DPP10: variants seen among roughly 807,000 people sequenced by gnomAD.
DPP10 encodes the protein dipeptidyl peptidase like 10.
A neutral mutation model predicts 120.9 loss-of-function variants in DPP10; 33 were observed. The ratio of observed to expected loss-of-function variants is 0.27; its 90% CI spans 0.21 to 0.37. DPP10 has a LOEUF of 0.37. Ranked by LOEUF, DPP10 falls within the 10% of genes least tolerant of loss-of-function variation. DPP10 has a pLI of 1.00. For missense variants in DPP10, 816 were observed against 942.8 expected (o/e 0.87, Z 1.76); for synonymous variants, 337 against 326.1 (o/e 1.03, Z -0.36).
chr2:115,135,751 G>A (rs542804566), intron 1 of DPP10, among the ~76,000 whole-genome samples: 1 of 152,218 alleles, frequency 6.6e-6, no homozygotes, highest in African/African-American at 2.4e-5. Flanking sequence ...CTTGTGAGTC[G>A]CTGAGGCTGG....
chr2:115,219,891 G>A (rs2057045463), intron 1 of DPP10, among the ~76,000 whole-genome samples: 1 of 152,008 alleles, frequency 6.6e-6, no homozygotes, highest in East Asian at 1.9e-4. Flanking sequence ...AAATGTGAAT[G>A]GCTAAATATT....
intron 7 of DPP10, among the ~76,000 whole-genome samples, chr2:115,716,381 G>A (rs1365147244): frequency 3.9e-5 from 6 of 152,166 alleles, no homozygotes; most frequent in South Asian, 2.1e-4. Flanking sequence ...TACATCATAG[G>A]TAGTATGTAG....
chr2:114,709,420 T>TA (rs1700886348), intron 1 of DPP10, among the ~76,000 whole-genome samples: 1 of 152,314 alleles, frequency 6.6e-6, no homozygotes, highest in South Asian at 2.1e-4. Context: ...ATTCCCTGTG[T>TA]AAAAAATGCC....
At chr2:115,549,221 C>T (rs2079717976) in intron 5 of DPP10, among the ~76,000 whole-genome samples, 1 of 152,054 alleles carries the variant, frequency 6.6e-6, no homozygotes, top group Non-Finnish European at 1.5e-5. Context: ...AAACTAGTTA[C>T]CCTGATATCA....
chr2:114,505,593 G>A (rs529621114), intron 1 of DPP10, among the ~76,000 whole-genome samples: 1 of 152,134 alleles, frequency 6.6e-6, no homozygotes, highest in Non-Finnish European at 1.5e-5. Flanking sequence ...GAGGTGGCAT[G>A]TCCTGAACTC....
At chr2:115,803,092 T>A (rs1181145969) in intron 19 of DPP10, among the ~76,000 whole-genome samples, 1 of 152,222 alleles carries the variant, frequency 6.6e-6, no homozygotes, top group Non-Finnish European at 1.5e-5. Context: ...CACTAAGGAC[T>A]TGCTTTATGA....
intron 1 of DPP10, among the ~76,000 whole-genome samples, chr2:114,489,954 C>T (rs2104722522): frequency 6.6e-6 from 1 of 152,266 alleles, no homozygotes; most frequent in South Asian, 2.1e-4. Context: ...CTGTAAAACC[C>T]TTAACAAATG....
At chr2:115,698,785 G>A (rs1007810244) in intron 7 of DPP10, among the ~76,000 whole-genome samples, 2 of 151,708 alleles carry the variant, frequency 1.3e-5, no homozygotes, top group African/African-American at 4.8e-5. Flanking sequence ...CACTGTCTTT[G>A]GTATTTTGTT....
chr2:115,811,825 T>C (rs1686681033), intron 19 of DPP10, among the ~76,000 whole-genome samples: 1 of 152,186 alleles, frequency 6.6e-6, no homozygotes, highest in Admixed American at 6.5e-5. Flanking sequence ...TCATATTACA[T>C]AGCAATTATG....
intron 1 of DPP10, among the ~76,000 whole-genome samples, chr2:114,987,494 CCTTT>C (rs1273044945): frequency 6.6e-6 from 1 of 152,140 alleles, no homozygotes; most frequent in Non-Finnish European, 1.5e-5. Flanking sequence ...CATGTCATCT[CCTTT>C]CTTCTCTTTC....
At chr2:115,627,961 A>G (rs1035542138) in intron 5 of DPP10, among the ~76,000 whole-genome samples, 3 of 152,202 alleles carry the variant, frequency 2.0e-5, no homozygotes, top group South Asian at 2.1e-4. Flanking sequence ...TATTGTGAAT[A>G]GTGCTGCAAT....
At chr2:115,172,052 T>C (rs1036403436) in intron 1 of DPP10, among the ~76,000 whole-genome samples, 2 of 152,206 alleles carry the variant, frequency 1.3e-5, no homozygotes, top group Non-Finnish European at 2.9e-5. Flanking sequence ...ACTGCTGATA[T>C]CTACACACAG....
chr2:115,269,864 C>A (rs962515337), intron 1 of DPP10, among the ~76,000 whole-genome samples: 1 of 151,944 alleles, frequency 6.6e-6, no homozygotes, highest in Non-Finnish European at 1.5e-5. Flanking sequence ...AAGTACTTAC[C>A]CTGCCATTCT....
At chr2:115,404,797 A>G (rs1374844630) in intron 3 of DPP10, among the ~76,000 whole-genome samples, 1 of 152,196 alleles carries the variant, frequency 6.6e-6, no homozygotes, top group African/African-American at 2.4e-5. Context: ...TTGGAGAGGC[A>G]ACTTCACTTT....
Position 114,851,664 on chromosome 2 carries a change from C to T in DPP10, c.60+408826C>T, listed in dbSNP as rs546673580. Among the ~76,000 whole-genome samples, 18 of 152,234 alleles carry T rather than the reference C, an allele frequency of 1.2e-4. No individual in the cohort carries two copies. The South Asian group carries it at 3.7e-3, about 32-fold the overall frequency. On this transcript the variant is annotated intron_variant, in intron 1 of 25. Transcript: ENST00000410059. ...TGTAAACAACTATTGGGCTTAGTAA[C>T]ACAGCAATTTATACCATTTTATCTA...
intron 1 of DPP10, among the ~76,000 whole-genome samples, chr2:114,740,731 G>T (rs1677965566): frequency 6.6e-6 from 1 of 152,082 alleles, no homozygotes; most frequent in South Asian, 2.1e-4. Flanking sequence ...GGAAAATATA[G>T]CATATTTTTG....
chr2:114,782,387 A>G (rs1682413490), intron 1 of DPP10, among the ~76,000 whole-genome samples: 1 of 151,864 alleles, frequency 6.6e-6, no homozygotes, highest in South Asian at 2.1e-4. Flanking sequence ...ACTTTGCAAC[A>G]ATTTACTTGA....
intron 2 of DPP10, among the ~76,000 whole-genome samples, chr2:115,310,928 C>G (rs1486638018): frequency 1.3e-5 from 2 of 152,206 alleles, no homozygotes; most frequent in African/African-American, 4.8e-5. Context: ...CAGTGATTCA[C>G]TTTCTCAGGT....
At chr2:114,931,002 G>A (rs140584504) in intron 1 of DPP10, among the ~76,000 whole-genome samples, 1 of 152,166 alleles carries the variant, frequency 6.6e-6, no homozygotes, top group Non-Finnish European at 1.5e-5. Flanking sequence ...GTCAACATGA[G>A]GTTTGGAGAG....
Sources: allele counts gnomAD v4.1 joint callset (sites outside exome capture counted in the v4.1 genomes callset), GRCh38; gene constraint gnomAD v4.1.1; transcripts MANE v1.5; gene names NCBI Gene and HGNC (gene_info 2026-07-23, HGNC 2026-07-21).